The following NFATC2IP variants were observed in gnomAD, a reference collection of about 807,000 sequenced individuals.
NFATC2IP encodes NFATC2-interacting protein.
In NFATC2IP, 25 loss-of-function variants were observed where a neutral mutation model predicts 40.2. That is an observed-to-expected ratio of 0.62 (90% CI 0.45 to 0.87). The LOEUF (loss-of-function observed/expected upper bound fraction) is 0.87, where lower values mean the gene tolerates loss of function less well. Among genes scored for constraint, NFATC2IP ranks in the 40% least tolerant of loss-of-function variants. The pLI, the probability that NFATC2IP is intolerant of heterozygous loss-of-function variation, is 0.00. For synonymous variants in NFATC2IP, 241 were observed against 236.3 expected (o/e 1.02, Z -0.18); for missense variants, 553 against 555.6 (o/e 1.00, Z 0.05).
intron 6 of NFATC2IP, 36 bp from the exon 7 acceptor site, chr16:28,958,955 C>G (rs774909212): frequency 5.0e-6 from 8 of 1,605,190 alleles, no homozygotes; most frequent in Non-Finnish European, 6.0e-6. Context: ...TCCAAGCCCC[C>G]ACTTAGCCCT....
intron 2 of NFATC2IP, among the ~76,000 whole-genome samples, chr16:28,953,460 G>C (rs1964988152): frequency 6.6e-6 from 1 of 152,158 alleles, no homozygotes; most frequent in Non-Finnish European, 1.5e-5. Context: ...GCTGATTTTG[G>C]TGAGAATTAA....
intron 7 of NFATC2IP, among the ~76,000 whole-genome samples, chr16:28,961,765 T>C (rs1965089932): frequency 6.6e-6 from 1 of 151,864 alleles, no homozygotes; most frequent in Admixed American, 6.6e-5. Context: ...CCGGGCATGG[T>C]GGCATGCGCC....
chr16:28,959,571 AT>A (rs61432973), intron 7 of NFATC2IP, among the ~76,000 whole-genome samples: 34,683 of 114,250 alleles, frequency 0.3, 4,221 homozygotes, highest in East Asian at 0.44. Context: ...TGGTGCAGTC[AT>A]TTTTTTTTTT....
intron 1 of NFATC2IP, 72 bp from the exon 2 acceptor site, chr16:28,952,060 A>G: frequency 6.2e-7 from 1 of 1,603,856 alleles, no homozygotes; most frequent in Non-Finnish European, 8.5e-7. Context: ...TCAGGGAAGA[A>G]TTACCCCCAA....
intron 5 of NFATC2IP, 196 bp downstream of exon 5, chr16:28,956,533 C>A (rs1335297056): frequency 3.5e-6 from 2 of 576,202 alleles, no homozygotes; most frequent in Non-Finnish European, 3.1e-6. Context: ...CAACGCTCCC[C>A]TCTCTTTCTG....
Position 28,956,217 on chromosome 16 carries a change from G to C in NFATC2IP, c.726G>C (p.Glu242Asp). 1 of 1,614,046 alleles carries C rather than the reference G, an allele frequency of 6.2e-7. No homozygotes were observed. The highest frequency in any genetic ancestry group is 8.5e-7 in the Non-Finnish European group (1 of 1,179,986). The change falls in exon 5 of 8, where the codon GAG (glutamate) becomes GAC (aspartate). Residue 242 changes from glutamate to aspartate, a missense_variant. By Grantham distance (45) the Glu-to-Asp change is conservative (BLOSUM62 2). Transcript: ENST00000320805. ...CLSPKPPQGQEQQGQEDEVVL... is the reference protein window; with the variant it reads ...CLSPKPPQGQDQQGQEDEVVL... ...GCCCCAAGCCACCTCAGGGTCAAGA[G>C]CAACAGGGCCAAGAGGATGAAGTGG...
At chr16:28,953,879 C>T (rs1782245361) in intron 2 of NFATC2IP, among the ~76,000 whole-genome samples, 1 of 151,594 alleles carries the variant, frequency 6.6e-6, no homozygotes, top group African/African-American at 2.4e-5. Flanking sequence ...GATCATGCCA[C>T]TGCACTCCAA....
rs200989302 is a variant in NFATC2IP, at chr16:28,958,706, C to T, written c.847-11C>T. The T allele has an allele frequency of 6.2e-7, 1 of 1,602,240 alleles. No homozygotes were observed. Among genetic ancestry groups the T allele is most frequent in the Non-Finnish European group, 8.5e-7 (1 of 1,174,620 alleles). On this transcript the variant is annotated splice_polypyrimidine_tract_variant and intron_variant, in intron 5 of 7. Coordinates refer to ENST00000320805, the MANE Select transcript of NFATC2IP (RefSeq NM_032815.4). ...AGGAAGACCTCTTTTGCTTGTTGTC[C>T]CCATCCCTAGTCGGAGCCCCTGCAG...
At chr16:28,952,025 T>C in intron 1 of NFATC2IP, 107 bp from the exon 2 acceptor site, 1 of 1,496,380 alleles carries the variant, frequency 6.7e-7, no homozygotes, top group Non-Finnish European at 9.1e-7. Flanking sequence ...GTCCACGATC[T>C]TAGGGAGGAT....
chr16:28,955,976 A>G lies in NFATC2IP; in HGVS notation c.579-2A>G. ...CCGTCCTGCTGTCTCTTGCTTCTAC[A>G]GGGATCTGGACAACTCTCCTCTGTC... On this transcript the variant is annotated splice_acceptor_variant, in intron 3 of 7. Transcript: ENST00000320805. LOFTEE classifies it high-confidence loss of function. The G allele has an allele frequency of 6.2e-7, 1 of 1,612,436 alleles. No individual in the cohort carries two copies. The highest frequency in any genetic ancestry group is 8.5e-7 in the Non-Finnish European group (1 of 1,178,498).
intron 3 of NFATC2IP, among the ~76,000 whole-genome samples, chr16:28,955,207 AACAG>A (rs1309207635): frequency 1.3e-5 from 2 of 151,286 alleles, no homozygotes; most frequent in African/African-American, 2.5e-5. Context: ...AAAGCAAACA[AACAG>A]ACAGACAAAA....
rs1303198814 is a variant in NFATC2IP at position 28,951,394 on chromosome 16, G to A, written c.383G>A (p.Gly128Glu). The A allele has an allele frequency of 1.6e-5, 23 of 1,398,246 alleles. No homozygotes were observed. The South Asian group carries it at 3.1e-4, about 19-fold the overall frequency. 86.6% of individuals were successfully genotyped at this position (1,398,246 alleles called of 1,614,324 possible). A position where few individuals can be genotyped will look rare whatever the true frequency, so the allele number is the denominator to read the frequency against. Residue 128 changes from glycine (G) to glutamate (E), a missense_variant, in exon 1 of 8, where the codon GGG (glycine) becomes GAG (glutamate). By Grantham distance (98) the Gly-to-Glu change is moderately conservative (BLOSUM62 -2). Transcript: ENST00000320805. Reference protein sequence around the residue: ...GEAPLVPVYSGKVKSSLRLIP... With the variant: ...GEAPLVPVYSEKVKSSLRLIP... ...GCGCCGCTGGTTCCGGTGTACTCGG[G>A]GAAGGTGCGCCCGGTCCCGGGGAGG...
In NFATC2IP at chr16:28,964,518, A is replaced by T. The variant is rs1206366280; in HGVS notation, c.*655A>T. Reference sequence around the variant, plus strand: ...TTTGCATTTCCTGGTGCACACATTTAAGGCATAACAGCACATTCATCCCTT... The same window carrying T: ...TTTGCATTTCCTGGTGCACACATTTTAGGCATAACAGCACATTCATCCCTT... On this transcript the variant is annotated 3_prime_UTR_variant, in exon 8 of 8. Coordinates refer to ENST00000320805, the MANE Select transcript of NFATC2IP (RefSeq NM_032815.4). 2.0e-5 allele frequency: 3 copies of T among 152,376 alleles called. No individual in the cohort carries two copies. The highest frequency in any genetic ancestry group is 4.4e-5 in the Non-Finnish European group (3 of 68,070). The allele number at this position is 152,376 out of a possible 1,614,324, so 9.4% of individuals were successfully genotyped here.
intron 3 of NFATC2IP, among the ~76,000 whole-genome samples, 155 bp from the exon 4 acceptor site, chr16:28,955,823 G>A (rs543325053): frequency 1.1e-4 from 17 of 152,138 alleles, no homozygotes; most frequent in African/African-American, 3.9e-4. Flanking sequence ...TCCTGGGCTC[G>A]AGCGATCCTC....
At chr16:28,951,996 G>A (rs1057046970) in intron 1 of NFATC2IP, 136 bp from the exon 2 acceptor site, 1 of 1,072,410 alleles carries the variant, frequency 9.3e-7, no homozygotes, top group South Asian at 1.5e-5. Context: ...CTTCTAGGTT[G>A]CCAGGAGAGG....
Position 28,951,249 on chromosome 16 carries a change from G to T in NFATC2IP, c.238G>T (p.Gly80Trp). 1 of 1,495,216 alleles carries T rather than the reference G, an allele frequency of 6.7e-7. No homozygotes were observed. Among genetic ancestry groups the T allele is most frequent in the Non-Finnish European group, 9.0e-7 (1 of 1,116,914 alleles). 92.6% of individuals were successfully genotyped at this position (1,495,216 alleles called of 1,614,324 possible). ...EVEVEPPEPPGPVASRDNSNS... is the reference protein window; with the variant it reads ...EVEVEPPEPPWPVASRDNSNS... ...TGAGGTGGAGCCCCCGGAGCCCCCG[G>T]GGCCGGTCGCGTCCCGGGATAACAG... The change falls in exon 1 of 8, where the codon GGG (glycine) becomes TGG (tryptophan). Residue 80 changes from glycine to tryptophan, a missense_variant. Gly to Trp is a radical substitution (Grantham distance 184). Transcript: ENST00000320805.
At position 28,956,363 on chromosome 16, in the gene NFATC2IP, A is replaced by C. The variant is rs774215251; in HGVS notation, c.846+26A>C. 30 of 1,586,396 alleles carry C rather than the reference A, an allele frequency of 1.9e-5. No individual in the cohort carries two copies. The Admixed American group carries it at 3.9e-4, about 21-fold the overall frequency. ...GTGAGTGCCTGAGGCCCATGGGAGA[A>C]GGACCCAGGAGCTGCTTCTGGAGAG... is the stretch of plus-strand genomic sequence containing the variant. On this transcript the variant is annotated intron_variant, in intron 5 of 7. Transcript: ENST00000320805.
rs978242070 is a variant in NFATC2IP at position 28,957,375 on chromosome 16, G to A, written c.846+1038G>A. Among the ~76,000 whole-genome samples, 30 of 151,824 alleles carry A rather than the reference G, an allele frequency of 2.0e-4. 1 individual carries two copies. Among genetic ancestry groups the A allele is most frequent in the Admixed American group, 1.0e-3 (16 of 15,272 alleles). ...ATAGAGATGGGGGCCAGGCATGGTGGCTCATTCCTGTAATCCCAGCACTTT... is the reference window on the plus strand; with the variant it reads ...ATAGAGATGGGGGCCAGGCATGGTGACTCATTCCTGTAATCCCAGCACTTT... On this transcript the variant is annotated intron_variant, in intron 5 of 7. Coordinates refer to ENST00000320805, the MANE Select transcript of NFATC2IP (RefSeq NM_032815.4).
chr16:28,952,106 C>T (rs1964972586), intron 1 of NFATC2IP, 26 bp from the exon 2 acceptor site: 2 of 1,613,672 alleles, frequency 1.2e-6, no homozygotes, highest in South Asian at 1.1e-5. Context: ...TTGGGCCTGA[C>T]CCCTCTCCCT....
Sources: gnomAD v4.1 joint callset for allele counts (sites outside exome capture counted in the v4.1 genomes callset) on GRCh38, gnomAD v4.1.1 for gene constraint, MANE v1.5 for transcripts, NCBI Gene and HGNC (gene_info 2026-07-23, HGNC 2026-07-21) for gene names.